Variants in CSMD1 observed in about 807,000 individuals in gnomAD.
CSMD1 encodes CUB and sushi domain-containing protein 1.
CSMD1 carries 213 observed loss-of-function variants against 417.5 expected under a neutral mutation model. The observed-to-expected ratio is 0.51, with a 90% confidence interval of 0.46 to 0.57. The LOEUF is 0.57. CSMD1 is among the 20% of genes least tolerant of loss of function. The pLI is 0.00. For missense variants in CSMD1, 6,923 were observed against 4,529.7 expected, an observed-to-expected ratio of 1.53 and a Z score of -15.17; for synonymous variants, 2,862 against 1,736.8, an observed-to-expected ratio of 1.65 and a Z score of -16.11.
At chr8:3,445,980 G>T (rs1198091672) in intron 12 of CSMD1, among the ~76,000 whole-genome samples, 1 of 152,196 alleles carries the variant, frequency 6.6e-6, no homozygotes, top group Non-Finnish European at 1.5e-5. Flanking sequence ...GGGCACAACA[G>T]AGGGAGAAGG....
intron 2 of CSMD1, among the ~76,000 whole-genome samples, chr8:4,534,935 G>A (rs1797027244): frequency 6.6e-6 from 1 of 151,912 alleles, no homozygotes; most frequent in Non-Finnish European, 1.5e-5. Context: ...GCTTATTTCT[G>A]TATTTTTAAT....
intron 1 of CSMD1, chr8:4,787,385 A>G: frequency 1.4e-6 from 1 of 735,254 alleles, no homozygotes. Context: ...AGGGTAAAAC[A>G]AAAGAAGTCT....
chr8:3,652,484 TG>T (rs1317107491), intron 7 of CSMD1, among the ~76,000 whole-genome samples: 1 of 152,220 alleles, frequency 6.6e-6, no homozygotes, highest in Non-Finnish European at 1.5e-5. Flanking sequence ...TACCTGAGAC[TG>T]GGTATTTTAT....
At chr8:3,584,458 G>C (rs1800514159) in intron 9 of CSMD1, among the ~76,000 whole-genome samples, 1 of 152,140 alleles carries the variant, frequency 6.6e-6, no homozygotes, top group Admixed American at 6.6e-5. Flanking sequence ...TGAGTAGCTG[G>C]GGGGTTGAGA....
chr8:3,815,819 T>A (rs2129079716), intron 5 of CSMD1, among the ~76,000 whole-genome samples: 1 of 152,258 alleles, frequency 6.6e-6, no homozygotes, highest in South Asian at 2.1e-4. Context: ...AAAGTCTAAA[T>A]TCTAGCCTTT....
At chr8:4,739,048 G>C (rs569845316) in intron 1 of CSMD1, among the ~76,000 whole-genome samples, 4 of 152,230 alleles carry the variant, frequency 2.6e-5, no homozygotes, top group African/African-American at 4.8e-5. Flanking sequence ...GTGAGTAACT[G>C]ATATATTCTT....
chr8:3,639,865 A>C (rs1797222352), intron 7 of CSMD1, among the ~76,000 whole-genome samples: 1 of 152,224 alleles, frequency 6.6e-6, no homozygotes, highest in Non-Finnish European at 1.5e-5. Flanking sequence ...AGCTGGAAAA[A>C]TATGTGATAT....
At chr8:3,355,670 G>A (rs73657826) in intron 21 of CSMD1, among the ~76,000 whole-genome samples, 3,337 of 152,200 alleles carry the variant, frequency 0.022, 116 homozygotes, top group African/African-American at 0.075. Context: ...TACCCAGACT[G>A]GCAAAACTGA....
chr8:4,869,700 G>A (rs1802622571), intron 1 of CSMD1, among the ~76,000 whole-genome samples: 1 of 151,878 alleles, frequency 6.6e-6, no homozygotes, highest in Admixed American at 6.6e-5. Context: ...TATTAATCTT[G>A]AAAATACCTT....
intron 2 of CSMD1, among the ~76,000 whole-genome samples, chr8:4,439,030 A>G (rs1204562971): frequency 6.6e-6 from 1 of 152,160 alleles, no homozygotes; most frequent in Non-Finnish European, 1.5e-5. Context: ...AATAAACTAT[A>G]TTCTTTTTAG....
intron 2 of CSMD1, among the ~76,000 whole-genome samples, chr8:4,574,829 A>C (rs967123679): frequency 6.6e-6 from 1 of 152,204 alleles, no homozygotes; most frequent in African/African-American, 2.4e-5. Context: ...TAAAACAACA[A>C]AAATCTTTCA....
intron 50 of CSMD1, among the ~76,000 whole-genome samples, chr8:3,046,949 T>C (rs1293282577): frequency 6.6e-6 from 1 of 152,204 alleles, no homozygotes; most frequent in African/African-American, 2.4e-5. Context: ...CCAGGCGCAG[T>C]GGCTGATGCC....
chr8:4,033,557 G>A (rs190215216), intron 3 of CSMD1, among the ~76,000 whole-genome samples: 1 of 152,188 alleles, frequency 6.6e-6, no homozygotes, highest in Non-Finnish European at 1.5e-5. Context: ...GAAGTGTATT[G>A]ATTGATGTCT....
intron 3 of CSMD1, among the ~76,000 whole-genome samples, chr8:4,209,967 C>G (rs1217695585): frequency 1.3e-5 from 2 of 152,182 alleles, no homozygotes; most frequent in Admixed American, 6.5e-5. Context: ...GCATGGCACA[C>G]TGGAGGAGGT....
Position 3,522,708 on chromosome 8 carries a change from C to T in CSMD1, c.1345-28982G>A, listed in dbSNP as rs73658150. The stretch of plus-strand genomic sequence containing the variant: ...ATCAGTCGTCCCGGTACATTCACAC[C>T]GATACTGATTCTGCACCTTAATATG... On this transcript the variant is annotated intron_variant, in intron 10 of 69. Coordinates refer to ENST00000635120, the MANE Select transcript of CSMD1 (RefSeq NM_033225.6). Among the ~76,000 whole-genome samples, 983 of 152,006 alleles carry T rather than the reference C, an allele frequency of 6.5e-3. 14 individuals carry two copies. The highest frequency in any genetic ancestry group is 0.022 in the African/African-American group (911 of 41,410).
intron 3 of CSMD1, among the ~76,000 whole-genome samples, chr8:4,380,989 C>T (rs1456859602): frequency 3.9e-5 from 6 of 152,010 alleles, no homozygotes; most frequent in East Asian, 1.9e-4. Flanking sequence ...AAAGAAAAAG[C>T]GTATCTCACT....
chr8:3,640,224 G>A (rs540813314), intron 7 of CSMD1, among the ~76,000 whole-genome samples: 3 of 152,280 alleles, frequency 2.0e-5, no homozygotes, highest in African/African-American at 4.8e-5. Flanking sequence ...AATGTGCTGA[G>A]AATTGATTAA....
intron 1 of CSMD1, among the ~76,000 whole-genome samples, chr8:4,824,728 G>A (rs1017854027): frequency 1.3e-5 from 2 of 152,058 alleles, no homozygotes; most frequent in African/African-American, 4.8e-5. Flanking sequence ...GGAATTACTT[G>A]GAATAACACT....
At chr8:3,533,547 T>C (rs1251836874) in intron 10 of CSMD1, among the ~76,000 whole-genome samples, 1 of 152,130 alleles carries the variant, frequency 6.6e-6, no homozygotes, top group Non-Finnish European at 1.5e-5. Flanking sequence ...CTCACTACTA[T>C]GTCTATAAAG....
Sources: gnomAD v4.1 joint callset for allele counts (sites outside exome capture counted in the v4.1 genomes callset) on GRCh38, gnomAD v4.1.1 for gene constraint, MANE v1.5 for transcripts, NCBI Gene and HGNC (gene_info 2026-07-23, HGNC 2026-07-21) for gene names.